ARHGAP6: variants seen among roughly 807,000 people sequenced by gnomAD.
ARHGAP6 encodes rho GTPase-activating protein 6.
In ARHGAP6, 16 loss-of-function variants were observed where a neutral mutation model predicts 55.7. The ratio of observed to expected loss-of-function variants is 0.29; its 90% CI spans 0.19 to 0.44. The LOEUF (loss-of-function observed/expected upper bound fraction) is 0.44, where lower values mean the gene tolerates loss of function less well. ARHGAP6 is among the 20% of genes least tolerant of loss of function. The pLI, the probability that ARHGAP6 is intolerant of heterozygous loss-of-function variation, is 1.00. For missense variants in ARHGAP6, 698 were observed against 808.9 expected, an observed-to-expected ratio of 0.86 and a Z score of 1.66; for synonymous variants, 382 against 360.9, an observed-to-expected ratio of 1.06 and a Z score of -0.66.
intron 10 of ARHGAP6, among the ~76,000 whole-genome samples, chrX:11,147,349 A>C (rs1316361442): frequency 1.8e-5 from 2 of 113,200 alleles, no homozygotes; most frequent in Non-Finnish European, 3.7e-5. Flanking sequence ...ATACACATGC[A>C]TATACACATA....
intron 2 of ARHGAP6, among the ~76,000 whole-genome samples, chrX:11,211,493 G>T (rs1419369124): frequency 9.0e-6 from 1 of 111,049 alleles, no homozygotes; most frequent in African/African-American, 3.3e-5. Context: ...GCCTCCCAAA[G>T]TGCTGGGATT....
intron 1 of ARHGAP6, among the ~76,000 whole-genome samples, chrX:11,394,376 G>A (rs1347963436): frequency 9.0e-6 from 1 of 111,482 alleles, no homozygotes; most frequent in East Asian, 2.8e-4. Context: ...CCTGGGGCTG[G>A]GGGTGGGAAC....
At chrX:11,314,342 G>C (rs753140431) in intron 1 of ARHGAP6, among the ~76,000 whole-genome samples, 1 of 111,976 alleles carries the variant, frequency 8.9e-6, no homozygotes, top group Non-Finnish European at 1.9e-5. Context: ...CTGGAGTCCA[G>C]TCCCAAATTG....
intron 1 of ARHGAP6, among the ~76,000 whole-genome samples, chrX:11,551,839 T>C (rs2051269636): frequency 9.0e-6 from 1 of 111,655 alleles, no homozygotes; most frequent in South Asian, 3.8e-4. Context: ...GAGAGAGACT[T>C]AGAATAGATT....
chrX:11,612,541 G>A (rs1475494227), intron 1 of ARHGAP6, among the ~76,000 whole-genome samples: 3 of 112,030 alleles, frequency 2.7e-5, no homozygotes, highest in Non-Finnish European at 3.8e-5. Flanking sequence ...CTTCTGCCAC[G>A]TGAGGGCACA....
intron 1 of ARHGAP6, among the ~76,000 whole-genome samples, chrX:11,662,246 C>T (rs2052710534): frequency 8.9e-6 from 1 of 111,808 alleles, no homozygotes; most frequent in African/African-American, 3.3e-5. Context: ...CAGAGGGTTC[C>T]AGGGCGTTAA....
At chrX:11,555,298 A>G (rs2051309400) in intron 1 of ARHGAP6, among the ~76,000 whole-genome samples, 1 of 112,036 alleles carries the variant, frequency 8.9e-6, no homozygotes, top group Admixed American at 9.5e-5. Context: ...GAGTGAGCAG[A>G]GATAGGCCAC....
At chrX:11,494,646 G>T (rs868864767) in intron 1 of ARHGAP6, among the ~76,000 whole-genome samples, 4 of 112,202 alleles carry the variant, frequency 3.6e-5, no homozygotes, top group Non-Finnish European at 5.6e-5. Context: ...CTGGAAGTAA[G>T]TTCACCTCTG....
At chrX:11,403,003 G>A (rs991889561) in intron 1 of ARHGAP6, among the ~76,000 whole-genome samples, 1 of 112,201 alleles carries the variant, frequency 8.9e-6, no homozygotes, top group African/African-American at 3.2e-5. Flanking sequence ...AAAGGAACAG[G>A]TGTCATTGAA....
chrX:11,314,032 G>A (rs754282782), intron 1 of ARHGAP6, among the ~76,000 whole-genome samples: 2 of 112,161 alleles, frequency 1.8e-5, no homozygotes, highest in East Asian at 2.8e-4. Context: ...GTAATTCATC[G>A]GATTCTCGTT....
intron 1 of ARHGAP6, among the ~76,000 whole-genome samples, chrX:11,627,267 C>T (rs1276894706): frequency 1.8e-5 from 2 of 111,290 alleles, no homozygotes; most frequent in African/African-American, 3.3e-5. Flanking sequence ...CAATTCCACA[C>T]AATATTCCAA....
At chrX:11,653,476 A>G (rs1430985283) in intron 1 of ARHGAP6, among the ~76,000 whole-genome samples, 1 of 112,680 alleles carries the variant, frequency 8.9e-6, no homozygotes, top group African/African-American at 3.2e-5. Flanking sequence ...TTTCTGGCAC[A>G]CATAGTAGGT....
intron 2 of ARHGAP6, among the ~76,000 whole-genome samples, chrX:11,247,173 G>A (rs779284112): frequency 7.2e-5 from 8 of 111,348 alleles, no homozygotes; most frequent in Non-Finnish European, 1.3e-4. Context: ...AGGCATTGGG[G>A]TACTCTTTTA....
intron 2 of ARHGAP6, among the ~76,000 whole-genome samples, chrX:11,215,770 C>T (rs1226922282): frequency 8.9e-6 from 1 of 112,386 alleles, no homozygotes; most frequent in Non-Finnish European, 1.9e-5. Flanking sequence ...AAGGTGCACG[C>T]CCAAGGGGAC....
intron 1 of ARHGAP6, among the ~76,000 whole-genome samples, chrX:11,438,418 G>A (rs1391732596): frequency 8.9e-6 from 1 of 112,492 alleles, no homozygotes; most frequent in Non-Finnish European, 1.9e-5. Context: ...CTCATTAGTT[G>A]ATTAACACTT....
intron 1 of ARHGAP6, among the ~76,000 whole-genome samples, chrX:11,490,017 G>C (rs1016196141): frequency 9.0e-6 from 1 of 111,302 alleles, no homozygotes; most frequent in African/African-American, 3.3e-5. Flanking sequence ...AGGTGAAATG[G>C]AAACAAGGTA....
chrX:11,324,607 A>G (rs2048476154), intron 1 of ARHGAP6, among the ~76,000 whole-genome samples: 1 of 110,494 alleles, frequency 9.1e-6, no homozygotes, highest in South Asian at 3.9e-4. Context: ...AAAAAAAAAA[A>G]AAATCTAAAG....
At chrX:11,528,153 CA>C (rs1047829311) in intron 1 of ARHGAP6, among the ~76,000 whole-genome samples, 1 of 111,945 alleles carries the variant, frequency 8.9e-6, no homozygotes, top group Non-Finnish European at 1.9e-5. Context: ...CTTTTATGAG[CA>C]ATCGCTACAG....
intron 1 of ARHGAP6, among the ~76,000 whole-genome samples, chrX:11,352,038 C>T (rs904490052): frequency 4.4e-5 from 5 of 112,573 alleles, no homozygotes; most frequent in African/African-American, 1.6e-4. Flanking sequence ...GTATATTTTA[C>T]TGTTGTCATT....
Sources: allele counts gnomAD v4.1 joint callset (sites outside exome capture counted in the v4.1 genomes callset), GRCh38; gene constraint gnomAD v4.1.1; transcripts MANE v1.5; gene names NCBI Gene and HGNC (gene_info 2026-07-23, HGNC 2026-07-21).